The following ODR4 variants were observed in gnomAD, a reference collection of about 807,000 sequenced individuals.
ODR4 encodes odr-4 GPCR localization factor homolog, also known as protein odr-4 homolog.
A neutral mutation model predicts 60.2 loss-of-function variants in ODR4; 47 were observed. The ratio of observed to expected loss-of-function variants is 0.78; its 90% CI spans 0.62 to 1.00. ODR4 has a LOEUF of 1.00. Among genes scored for constraint, ODR4 ranks in the 50% least tolerant of loss-of-function variants. The pLI is 0.00. For missense variants in ODR4, 488 were observed against 530.8 expected (o/e 0.92, Z 0.79); for synonymous variants, 178 against 175.5 (o/e 1.01, Z -0.11).
At chr1:186,405,630 G>A (rs2383480) in intron 11 of ODR4, among the ~76,000 whole-genome samples, 43,895 of 151,988 alleles carry the variant, frequency 0.29, 6,899 homozygotes, top group Admixed American at 0.38. Context: ...TTGGCTCACC[G>A]CAACCTCCAC....
At chr1:186,417,422 A>G (rs1661614648) in intron 12 of ODR4, 122 bp from the exon 13 acceptor site, 4 of 664,902 alleles carry the variant, frequency 6.0e-6, no homozygotes, top group Admixed American at 5.8e-5. Context: ...AGTATGTTAT[A>G]TAAAAAACAA....
chr1:186,393,804 A>G (rs1163971042), intron 8 of ODR4, 143 bp from the exon 9 acceptor site: 8 of 602,088 alleles, frequency 1.3e-5, no homozygotes, highest in Admixed American at 3.4e-5. Flanking sequence ...ACATAAAGTA[A>G]TATCTATATA....
intron 12 of ODR4, among the ~76,000 whole-genome samples, chr1:186,407,951 G>A (rs1661231534): frequency 6.6e-6 from 1 of 152,038 alleles, no homozygotes; most frequent in Non-Finnish European, 1.5e-5. Flanking sequence ...CTTTCAAAGA[G>A]TTTAAAAATT....
At chr1:186,411,571 T>C (rs1571698200) in intron 12 of ODR4, among the ~76,000 whole-genome samples, 1 of 151,928 alleles carries the variant, frequency 6.6e-6, no homozygotes, top group African/African-American at 2.4e-5. Flanking sequence ...CTTTCTTGGG[T>C]TCCCTCAGTA....
chr1:186,419,444 AC>A lies in ODR4; in HGVS notation c.*369del. On this transcript the variant is annotated 3_prime_UTR_variant, in exon 14 of 14. Transcript: ENST00000287859. Reference sequence around the variant, plus strand: ...AACTTTAACAGAGGCATGATGGCTCACACGTATAATCCTAATGCTTTGAGAG... The same window carrying A: ...AACTTTAACAGAGGCATGATGGCTCAACGTATAATCCTAATGCTTTGAGAG... 4.3e-6 allele frequency: 1 copy of A among 229,952 alleles called. No homozygotes were observed. 14.2% of individuals were successfully genotyped at this position (229,952 alleles called of 1,614,324 possible).
chr1:186,409,979 A>C (rs755256548), intron 12 of ODR4, among the ~76,000 whole-genome samples: 1 of 152,206 alleles, frequency 6.6e-6, no homozygotes, highest in Admixed American at 6.5e-5. Context: ...AATACTTTAC[A>C]TACTTGTAAT....
At chr1:186,394,089 C>G in intron 9 of ODR4, 74 bp downstream of exon 9, 1 of 901,144 alleles carries the variant, frequency 1.1e-6, no homozygotes, top group East Asian at 2.7e-5. Context: ...TTTTATTTTT[C>G]TCATTAGAGA....
chr1:186,384,308 C>A (rs1396336125), intron 3 of ODR4, among the ~76,000 whole-genome samples: 1 of 151,116 alleles, frequency 6.6e-6, no homozygotes, highest in Non-Finnish European at 1.5e-5. Context: ...TTTTTAACAA[C>A]CAGCTCTCGT....
intron 9 of ODR4, among the ~76,000 whole-genome samples, chr1:186,394,406 A>G (rs897437816): frequency 3.3e-5 from 5 of 152,130 alleles, no homozygotes; most frequent in African/African-American, 9.7e-5. Flanking sequence ...GATTAATTAG[A>G]TTTATACCCC....
In ODR4 at chr1:186,420,652, A is replaced by C. The variant is rs1248543926; in HGVS notation, c.*1576A>C. 6.6e-6 allele frequency: 1 copy of C among 152,214 alleles called. No homozygotes were observed. The highest frequency in any genetic ancestry group is 1.9e-4 in the East Asian group (1 of 5,188). 9.4% of individuals were successfully genotyped at this position (152,214 alleles called of 1,614,324 possible). On this transcript the variant is annotated 3_prime_UTR_variant, in exon 14 of 14. Transcript: ENST00000287859. ...CCTCAGACATGTTGAATATTTTATT[A>C]GACTCAGCTGAAGAGACAAGTGAAC... is the stretch of plus-strand genomic sequence containing the variant.
chr1:186,396,485 T>C (rs1223747163), intron 9 of ODR4, among the ~76,000 whole-genome samples: 2 of 152,092 alleles, frequency 1.3e-5, no homozygotes, highest in Admixed American at 6.6e-5. Flanking sequence ...GGTGTGTGCC[T>C]GTAGTCCCAG....
chr1:186,425,871 C>A (rs994455070), downstream of ODR4, among the ~76,000 whole-genome samples: 1 of 152,168 alleles, frequency 6.6e-6, no homozygotes, highest in Non-Finnish European at 1.5e-5. Context: ...AGATGTTCTA[C>A]ACACTTTAAA....
chr1:186,394,573 T>C (rs971566098), intron 9 of ODR4, among the ~76,000 whole-genome samples: 1 of 152,198 alleles, frequency 6.6e-6, no homozygotes, highest in Non-Finnish European at 1.5e-5. Context: ...TACCTTTGAT[T>C]TTAATCCTAC....
intron 1 of ODR4, among the ~76,000 whole-genome samples, chr1:186,376,475 G>A (rs899281661): frequency 6.6e-6 from 1 of 152,140 alleles, no homozygotes; most frequent in Non-Finnish European, 1.5e-5. Context: ...TGCATTCCCA[G>A]TGTCGTCTCT....
At chr1:186,431,872 A>G in the ODR4 span, among the ~76,000 whole-genome samples, 1 of 152,174 alleles carries the variant, frequency 6.6e-6, no homozygotes, top group Non-Finnish European at 1.5e-5. Context: ...GTAGTAGAGT[A>G]TTAAGGCGAA....
chr1:186,408,151 T>G (rs990284622), intron 12 of ODR4, among the ~76,000 whole-genome samples: 1 of 152,142 alleles, frequency 6.6e-6, no homozygotes, highest in Non-Finnish European at 1.5e-5. Flanking sequence ...ATTTTCCAGA[T>G]GAGAGAATTA....
chr1:186,403,217 T>C (rs1027737586), intron 11 of ODR4, among the ~76,000 whole-genome samples: 1 of 152,114 alleles, frequency 6.6e-6, no homozygotes, highest in African/African-American at 2.4e-5. Context: ...TGTGATAATA[T>C]AAATAAATGT....
the ODR4 span, among the ~76,000 whole-genome samples, chr1:186,426,675 G>A: frequency 6.6e-6 from 1 of 152,136 alleles, no homozygotes; most frequent in African/African-American, 2.4e-5. Flanking sequence ...ATCTCATTGG[G>A]GAAGTGGCAT....
Position 186,406,119 on chromosome 1 carries a change from T to A in ODR4, c.1037T>A (p.Val346Asp), listed in dbSNP as rs367665871. 6.3e-7 allele frequency: 1 copy of A among 1,599,796 alleles called. No homozygotes were observed. Among genetic ancestry groups the A allele is most frequent in the African/African-American group, 1.3e-5 (1 of 74,290 alleles). The change falls in exon 12 of 14, where the codon GTC becomes GAC. Residue 346 changes from valine (V) to aspartate (D), a missense_variant. By Grantham distance (152) the Val-to-Asp change is radical (BLOSUM62 -3). Transcript: ENST00000287859. ...GAGTTCCACGTCCTCCCTTATCGAG[T>A]CTTTGTTCCCCTTCCTGGATCCACT... is the stretch of plus-strand genomic sequence containing the variant. ...EKEFHVLPYR[V>D]FVPLPGSTVM... is the part of the protein sequence containing the mutation.
Sources: gnomAD v4.1 joint callset for allele counts (sites outside exome capture counted in the v4.1 genomes callset) on GRCh38, gnomAD v4.1.1 for gene constraint, MANE v1.5 for transcripts, NCBI Gene and HGNC (gene_info 2026-07-23, HGNC 2026-07-21) for gene names.